The following SLC9A9 variants were observed in gnomAD, a reference collection of about 807,000 sequenced individuals.
SLC9A9 encodes the protein sodium/hydrogen exchanger 9.
SLC9A9 carries 62 observed loss-of-function variants against 77.8 expected under a neutral mutation model. The observed-to-expected ratio is 0.80, with a 90% CI of 0.65 to 0.98. SLC9A9 has a LOEUF of 0.98. SLC9A9 is among the 50% of genes least tolerant of loss of function. SLC9A9 has a pLI of 0.00. For missense variants in SLC9A9, 775 were observed against 774.9 expected (o/e 1.00, Z 0.00); for synonymous variants, 320 against 283.5 (o/e 1.13, Z -1.29).
chr3:143,751,824 G>A (rs1032625212), intron 4 of SLC9A9, among the ~76,000 whole-genome samples: 2 of 152,198 alleles, frequency 1.3e-5, no homozygotes, highest in South Asian at 2.1e-4. Context: ...GGGGGTACAG[G>A]GAGAAGCAGA....
At chr3:143,729,873 G>A (rs1338863382) in intron 4 of SLC9A9, among the ~76,000 whole-genome samples, 1 of 152,138 alleles carries the variant, frequency 6.6e-6, no homozygotes, top group East Asian at 1.9e-4. Flanking sequence ...CTTTGTTCCT[G>A]CACAATCTCT....
chr3:143,345,975 A>C (rs1559876737), intron 14 of SLC9A9, among the ~76,000 whole-genome samples: 1 of 152,164 alleles, frequency 6.6e-6, no homozygotes, highest in Non-Finnish European at 1.5e-5. Context: ...TTGTCTATAG[A>C]AGGAGGAAAA....
chr3:143,829,033 C>T (rs2009371016), intron 2 of SLC9A9, among the ~76,000 whole-genome samples: 1 of 152,134 alleles, frequency 6.6e-6, no homozygotes, highest in Non-Finnish European at 1.5e-5. Context: ...TTGAAGCTTC[C>T]CAATGATTCC....
At chr3:143,805,728 C>T (rs950643121) in intron 2 of SLC9A9, among the ~76,000 whole-genome samples, 2 of 152,116 alleles carry the variant, frequency 1.3e-5, no homozygotes, top group Admixed American at 6.5e-5. Flanking sequence ...CCTTGTGTAC[C>T]CCGCTCCTGC....
intron 6 of SLC9A9, among the ~76,000 whole-genome samples, chr3:143,644,289 C>CCATCCA (rs929335784): frequency 6.6e-6 from 1 of 152,204 alleles, no homozygotes; most frequent in African/African-American, 2.4e-5. Context: ...AGATAAGAAA[C>CCATCCA]CATCCACATG....
At chr3:143,660,715 A>G (rs1308544364) in intron 5 of SLC9A9, among the ~76,000 whole-genome samples, 2 of 152,200 alleles carry the variant, frequency 1.3e-5, no homozygotes, top group Non-Finnish European at 2.9e-5. Flanking sequence ...CCAAGCTCCC[A>G]TACATTTGGT....
chr3:143,736,502 G>T (rs1934944399), intron 4 of SLC9A9, among the ~76,000 whole-genome samples: 2 of 152,166 alleles, frequency 1.3e-5, no homozygotes, highest in Non-Finnish European at 2.9e-5. Context: ...AGTGAAAGCA[G>T]ATGTTTAGTA....
At chr3:143,432,545 A>G (rs1476434808) in intron 12 of SLC9A9, among the ~76,000 whole-genome samples, 2 of 152,154 alleles carry the variant, frequency 1.3e-5, no homozygotes, top group Non-Finnish European at 2.9e-5. Flanking sequence ...TACCGAGAAA[A>G]GGTTGTTAAA....
At chr3:143,620,246 G>A (rs2038177349) in intron 6 of SLC9A9, among the ~76,000 whole-genome samples, 1 of 152,118 alleles carries the variant, frequency 6.6e-6, no homozygotes, top group South Asian at 2.1e-4. Context: ...TCTAGCTGAG[G>A]GGTTTTGGCA....
rs185107817 is a variant in SLC9A9 at position 143,772,783 on chromosome 3, A to G, written c.533+22218T>C. Among the ~76,000 whole-genome samples, 3 of 152,322 alleles carry G rather than the reference A, an allele frequency of 2.0e-5. No individual in the cohort carries two copies. In the East Asian group the frequency reaches 5.8e-4, roughly 29 times the overall value. ...GAAACGTTATAGACGCTACTGCCCA[A>G]AAGTCCCACCTGGATGATGCCAATT... On this transcript the variant is annotated intron_variant, in intron 4 of 15. Transcript: ENST00000316549.
At chr3:143,663,251 A>C (rs2039009195) in intron 5 of SLC9A9, among the ~76,000 whole-genome samples, 1 of 152,238 alleles carries the variant, frequency 6.6e-6, no homozygotes, top group Admixed American at 6.5e-5. Flanking sequence ...ACTAGCAAAC[A>C]GAAAGGAATA....
chr3:143,309,951 G>T (rs995301069), intron 14 of SLC9A9, among the ~76,000 whole-genome samples: 1 of 152,192 alleles, frequency 6.6e-6, no homozygotes, highest in Non-Finnish European at 1.5e-5. Context: ...CACTCATGGA[G>T]CTCTGACTGG....
At chr3:143,447,958 G>A (rs569760229) in intron 12 of SLC9A9, among the ~76,000 whole-genome samples, 2 of 152,288 alleles carry the variant, frequency 1.3e-5, no homozygotes, top group South Asian at 2.1e-4. Flanking sequence ...CTGGCACACA[G>A]TAGAAGCTTA....
intron 12 of SLC9A9, among the ~76,000 whole-genome samples, chr3:143,422,806 AG>A (rs1457344951): frequency 6.6e-6 from 1 of 152,254 alleles, no homozygotes; most frequent in Non-Finnish European, 1.5e-5. Flanking sequence ...AAGATCACAC[AG>A]CCAGTGAGTA....
At chr3:143,557,343 G>A (rs1188632519) in intron 8 of SLC9A9, among the ~76,000 whole-genome samples, 2 of 152,150 alleles carry the variant, frequency 1.3e-5, no homozygotes, top group Non-Finnish European at 2.9e-5. Flanking sequence ...TCATAGCAAT[G>A]TGAGAATGGA....
Position 143,578,708 on chromosome 3 carries a change from G to A in SLC9A9, c.771C>T (p.Tyr257=), listed in dbSNP as rs1253795571. The A allele has an allele frequency of 1.2e-6, 2 of 1,613,930 alleles. No individual in the cohort carries two copies. The highest frequency in any genetic ancestry group is 1.3e-5 in the African/African-American group (1 of 74,928). The part of the protein sequence containing the change: ...AIVLTYSISI[Y]SPKENPNAFD... ...ATGCATTTGGATTCTCCTTGGGACT[G>A]TAAATGGATATAGAACTGAAAAGAG... Residue 257 remains tyrosine (Y), a synonymous_variant, in exon 7 of 16, where the codon TAC becomes TAT. Coordinates refer to ENST00000316549, the MANE Select transcript of SLC9A9 (RefSeq NM_173653.4).
chr3:143,428,659 A>G (rs920948732), intron 12 of SLC9A9, among the ~76,000 whole-genome samples: 4 of 152,198 alleles, frequency 2.6e-5, no homozygotes, highest in Non-Finnish European at 4.4e-5. Context: ...ACTTCACAAT[A>G]GTCAAGATAT....
At chr3:143,316,701 A>G (rs1006555525) in intron 14 of SLC9A9, among the ~76,000 whole-genome samples, 1 of 152,192 alleles carries the variant, frequency 6.6e-6, no homozygotes, top group African/African-American at 2.4e-5. Context: ...GTCCAAAAAT[A>G]CAACTCTGGG....
Position 143,659,554 on chromosome 3 carries a change from T to C in SLC9A9, c.650-7194A>G, listed in dbSNP as rs560422492. Among the ~76,000 whole-genome samples the C allele has an allele frequency of 2.6e-5, 4 of 152,124 alleles. No individual in the cohort carries two copies. The East Asian group carries it at 7.7e-4, about 29-fold the overall frequency. On this transcript the variant is annotated intron_variant, in intron 5 of 15. Coordinates refer to ENST00000316549, the MANE Select transcript of SLC9A9 (RefSeq NM_173653.4). Reference sequence around the variant, plus strand: ...GAACATTCCTGCTCCTTAAATAGATTAGAAAGTTGCCAAGGGTAAACAAGA... The same window carrying C: ...GAACATTCCTGCTCCTTAAATAGATCAGAAAGTTGCCAAGGGTAAACAAGA...
Sources: gnomAD v4.1 joint callset for allele counts (sites outside exome capture counted in the v4.1 genomes callset) on GRCh38, gnomAD v4.1.1 for gene constraint, MANE v1.5 for transcripts, NCBI Gene and HGNC (gene_info 2026-07-23, HGNC 2026-07-21) for gene names.